BRWD1: variants seen among roughly 807,000 people sequenced by gnomAD.
BRWD1 encodes bromodomain and WD repeat-containing protein 1.
In BRWD1, 82 loss-of-function variants were observed where a neutral mutation model predicts 251.2. The ratio of observed to expected loss-of-function variants is 0.33; its 90% CI spans 0.27 to 0.39. The LOEUF (loss-of-function observed/expected upper bound fraction) is 0.39, where lower values mean the gene tolerates loss of function less well. Ranked by LOEUF, BRWD1 falls within the 10% of genes least tolerant of loss-of-function variation. BRWD1 has a pLI of 1.00. For missense variants in BRWD1, 2,233 were observed against 2,711.6 expected (o/e 0.82, Z 3.92); for synonymous variants, 918 against 902.8 (o/e 1.02, Z -0.30).
At chr21:39,214,552 T>C (rs1344886984) in intron 32 of BRWD1, among the ~76,000 whole-genome samples, 1 of 152,076 alleles carries the variant, frequency 6.6e-6, no homozygotes, top group African/African-American at 2.4e-5. Context: ...TGGATTAGAT[T>C]CTGAAACATA....
upstream of BRWD1, among the ~76,000 whole-genome samples, chr21:39,317,838 C>A (rs981605395): frequency 4.3e-4 from 65 of 152,160 alleles, no homozygotes; most frequent in African/African-American, 1.4e-3. Context: ...ACCGCATGAG[C>A]CCAGGAGTTC....
intron 34 of BRWD1, 102 bp downstream of exon 34, chr21:39,212,564 T>A (rs193046453): frequency 1.1e-6 from 1 of 886,042 alleles, no homozygotes; most frequent in East Asian, 2.5e-5. Flanking sequence ...ATATTCAGTA[T>A]CTACACTGAT....
intron 37 of BRWD1, among the ~76,000 whole-genome samples, chr21:39,205,743 C>T (rs934085125): frequency 6.6e-6 from 1 of 151,522 alleles, no homozygotes; most frequent in African/African-American, 2.4e-5. Flanking sequence ...TGCACTCCAA[C>T]CTAGGTAACA....
At chr21:39,210,602 C>A (rs2032612510) in intron 35 of BRWD1, among the ~76,000 whole-genome samples, 184 bp downstream of exon 35, 1 of 152,104 alleles carries the variant, frequency 6.6e-6, no homozygotes, top group African/African-American at 2.4e-5. Context: ...AATGAGCTCA[C>A]AAGGGTGTCT....
At chr21:39,200,485 C>T in intron 38 of BRWD1, 99 bp from the exon 39 acceptor site, 1 of 971,162 alleles carries the variant, frequency 1.0e-6, no homozygotes, top group Non-Finnish European at 1.4e-6. Flanking sequence ...CATAACATTA[C>T]TACAAAAGCA....
upstream of BRWD1, among the ~76,000 whole-genome samples, chr21:39,318,642 G>A (rs1198603947): frequency 2.6e-5 from 4 of 152,000 alleles, no homozygotes; most frequent in Non-Finnish European, 4.4e-5. Flanking sequence ...GCTGTTTTTT[G>A]TTTTGTTTTT....
intron 9 of BRWD1, 53 bp downstream of exon 9, chr21:39,280,095 A>T: frequency 1.5e-6 from 2 of 1,291,142 alleles, no homozygotes; most frequent in African/African-American, 1.5e-5. Flanking sequence ...TCATTAGATT[A>T]AACTGTAACT....
At chr21:39,312,712 T>C in intron 4 of BRWD1, 129 bp downstream of exon 4, 2 of 530,780 alleles carry the variant, frequency 3.8e-6, no homozygotes, top group Non-Finnish European at 6.5e-6. Flanking sequence ...GGAACGCAGC[T>C]ATCCCCGGGC....
At position 39,198,801 on chromosome 21, in the gene BRWD1, T is replaced by C. The variant is rs368095694; in HGVS notation, c.5615A>G (p.Asp1872Gly). 1.3e-6 allele frequency: 2 copies of C among 1,599,456 alleles called. No homozygotes were observed. Among genetic ancestry groups the C allele is most frequent in the African/African-American group, 1.4e-5 (1 of 74,052 alleles). Residue 1872 changes from aspartate (D) to glycine (G), a missense_variant, in exon 40 of 41, where the codon GAT (aspartate) becomes GGT (glycine). Physicochemically the swap from Asp to Gly is moderately conservative, Grantham distance 94. Coordinates refer to ENST00000342449, the MANE Select transcript of BRWD1 (RefSeq NM_033656.4). ...GTTTGGTTTTTCTATTTTGTCATCA[T>C]CTGAATCTAAATCAGTTTCACATCC... ...DHGCETDLDS[D>G]DDKIEKPNNF...
intron 37 of BRWD1, 96 bp from the exon 38 acceptor site, chr21:39,202,641 T>A: frequency 2.6e-6 from 2 of 772,188 alleles, no homozygotes; most frequent in African/African-American, 1.8e-5. Flanking sequence ...TCATATTTCT[T>A]AAACTGAGAG....
chr21:39,303,256 C>A (rs755063202), intron 4 of BRWD1, among the ~76,000 whole-genome samples: 4 of 151,292 alleles, frequency 2.6e-5, no homozygotes, highest in South Asian at 4.2e-4. Context: ...CAGTGACTCA[C>A]ACCTGTAATC....
chr21:39,197,175 A>G lies in BRWD1; in HGVS notation c.5894T>C (p.Leu1965Pro), dbSNP rs1259657888. ...TRSKNGRKKPLHLACTTAKKK... is the reference protein window; with the variant it reads ...TRSKNGRKKPPHLACTTAKKK... ...CTTAGCTGTAGTACAAGCAAGATGG[A>G]GAGGTTTTTTCCTTCCATTTTTGCT... The change falls in exon 41 of 41, where the codon CTC (leucine) becomes CCC (proline). Residue 1965 changes from leucine to proline, a missense_variant. This residue lies in a region of BRWD1 where 928 missense variants were observed against 970.0 expected (regional missense o/e 0.96). Transcript: ENST00000342449. 1.9e-6 allele frequency: 3 copies of G among 1,614,102 alleles called. No homozygotes were observed. The highest frequency in any genetic ancestry group is 2.2e-5 in the East Asian group (1 of 44,878).
intron 8 of BRWD1, among the ~76,000 whole-genome samples, chr21:39,291,416 C>T (rs564227761): frequency 2.0e-5 from 3 of 152,212 alleles, no homozygotes; most frequent in Non-Finnish European, 2.9e-5. Context: ...TCTAACCAAA[C>T]GTTAAGTTTC....
intron 36 of BRWD1, among the ~76,000 whole-genome samples, chr21:39,206,930 C>G (rs1434800060): frequency 6.6e-6 from 1 of 152,220 alleles, no homozygotes; most frequent in Non-Finnish European, 1.5e-5. Context: ...GTGCAAAAGT[C>G]TAATGCTCAA....
At chr21:39,273,115 G>A (rs1004713018) in intron 13 of BRWD1, among the ~76,000 whole-genome samples, 12 of 152,120 alleles carry the variant, frequency 7.9e-5, no homozygotes, top group African/African-American at 2.2e-4. Flanking sequence ...TTCATGGATC[G>A]AGTGCGTCAG....
chr21:39,281,540 A>G lies in BRWD1; in HGVS notation c.832-1292T>C, dbSNP rs112927149. On this transcript the variant is annotated intron_variant, in intron 8 of 40. Transcript: ENST00000342449. ...CGAAACCCTGTCTCTACAAAAAAAT[A>G]CAAAATTGTCCAGGCGTGATGACAC... 1.7e-4 allele frequency among the ~76,000 whole-genome samples: 26 copies of G among 152,286 alleles called. 2 individuals carry two copies. Among genetic ancestry groups the G allele is most frequent in the African/African-American group, 6.3e-4 (26 of 41,578 alleles).
At position 39,194,824 on chromosome 21, in the gene BRWD1, T is replaced by C. The variant is rs2031728151; in HGVS notation, c.*1435A>G. ...GATACCAGTCTGATGCTTCACCTTATCTGCCACTTCAAAGATACACAGGAG... is the reference window on the plus strand; with the variant it reads ...GATACCAGTCTGATGCTTCACCTTACCTGCCACTTCAAAGATACACAGGAG... On this transcript the variant is annotated 3_prime_UTR_variant, in exon 41 of 41. Transcript: ENST00000342449. 1.3e-6 allele frequency: 2 copies of C among 1,534,252 alleles called. No individual in the cohort carries two copies. Among genetic ancestry groups the C allele is most frequent in the South Asian group, 2.4e-5 (2 of 83,990 alleles).
At chr21:39,212,739 TAG>T (rs2032716414) in intron 33 of BRWD1, 32 bp from the exon 34 acceptor site, 1 of 1,422,680 alleles carries the variant, frequency 7.0e-7, no homozygotes, top group South Asian at 1.2e-5. Context: ...CTTAAGTATT[TAG>T]AGTCTCATTA....
In BRWD1 at chr21:39,258,610, G is replaced by A. The variant is rs781550587; in HGVS notation, c.1948C>T (p.Pro650Ser). 1.8e-5 allele frequency: 29 copies of A among 1,611,850 alleles called. 1 individual carries two copies. The South Asian group carries it at 3.2e-4, about 18-fold the overall frequency. ...ATTCCATCAAGAATACTCGATTCTG[G>A]GCTGCGTTCATCATTATCATTGGTT... ...LQTNDNDERS[P>S]ESSILDGMIR... The change falls in exon 18 of 41, where the codon CCA becomes TCA. Residue 650 changes from proline to serine, a missense_variant. This residue lies in a region of BRWD1 where 73 missense variants were observed against 68.1 expected (regional missense o/e 1.07). Transcript: ENST00000342449.
Sources: gnomAD v4.1 joint callset for allele counts (sites outside exome capture counted in the v4.1 genomes callset) on GRCh38, gnomAD v4.1.1 for gene constraint, gnomAD v4.1.1 regional missense constraint, MANE v1.5 for transcripts, NCBI Gene and HGNC (gene_info 2026-07-23, HGNC 2026-07-21) for gene names.